SERPINF2: variants seen among roughly 807,000 people sequenced by gnomAD.
The protein encoded by SERPINF2 is serpin family F member 2.
In SERPINF2, 15 loss-of-function variants were observed where a neutral mutation model predicts 45.0. The observed-to-expected ratio is 0.33, with a 90% CI of 0.22 to 0.51. SERPINF2 has a LOEUF of 0.51. SERPINF2 is among the 20% of genes least tolerant of loss of function. The probability of loss-of-function intolerance (pLI) is 0.97; values close to 1 mark genes in which losing one functional copy is unlikely to be tolerated. For missense variants in SERPINF2, 518 were observed against 637.4 expected (o/e 0.81, Z 2.02); for synonymous variants, 283 against 277.9 (o/e 1.02, Z -0.18).
At chr17:1,744,840 G>A (rs559913908) in intron 1 of SERPINF2, 152 bp from the exon 2 acceptor site, 44 of 985,482 alleles carry the variant, frequency 4.5e-5, no homozygotes, top group East Asian at 1.1e-4. Context: ...GCCGCTGCTC[G>A]TGTGTTTGGG....
At position 1,754,649 on chromosome 17, in the gene SERPINF2, G is replaced by A. The variant is rs929261523; in HGVS notation, c.*115G>A. ...AGGGGCCGGGGGCAGTCTGAGAGAGGCCATTCTTTCCCAACACCTCTTGGG... is the reference window on the plus strand; with the variant it reads ...AGGGGCCGGGGGCAGTCTGAGAGAGACCATTCTTTCCCAACACCTCTTGGG... On this transcript the variant is annotated 3_prime_UTR_variant, in exon 10 of 10. Coordinates refer to ENST00000453066, the MANE Select transcript of SERPINF2 (RefSeq NM_000934.4). 12 of 1,082,980 alleles carry A rather than the reference G, an allele frequency of 1.1e-5. No individual in the cohort carries two copies. Among genetic ancestry groups the A allele is most frequent in the African/African-American group, 5.0e-5 (3 of 59,904 alleles). 67.1% of individuals were successfully genotyped at this position (1,082,980 alleles called of 1,614,324 possible).
intron 1 of SERPINF2, among the ~76,000 whole-genome samples, chr17:1,744,171 C>T (rs570324358): frequency 6.7e-6 from 1 of 150,236 alleles, no homozygotes; most frequent in South Asian, 2.2e-4. Flanking sequence ...GCTGGGATTA[C>T]AGGCTTGAGC....
Position 1,745,273 on chromosome 17 carries a change from T to C in SERPINF2, c.102+60T>C. The C allele has an allele frequency of 8.6e-7, 1 of 1,167,968 alleles. No homozygotes were observed. The highest frequency in any genetic ancestry group is 1.2e-6 in the Non-Finnish European group (1 of 850,826). 72.4% of individuals were successfully genotyped at this position (1,167,968 alleles called of 1,614,324 possible). A position where few individuals can be genotyped will look rare whatever the true frequency, so the allele number is the denominator to read the frequency against. ...GGTCCCGGGGGTCTCACTGGTGGCT[T>C]GGGCAGGGTGGGGGGCCTGTGGGAA... On this transcript the variant is annotated intron_variant, in intron 3 of 9. Transcript: ENST00000453066. The surrounding 1 kb of genome is among the most constrained non-coding windows in gnomAD (Gnocchi z 6.2).
Position 1,745,827 on chromosome 17 carries a change from C to T in SERPINF2, c.285C>T (p.Ser95=). 6.2e-7 allele frequency: 1 copy of T among 1,614,064 alleles called. No homozygotes were observed. Among genetic ancestry groups the T allele is most frequent in the East Asian group, 2.2e-5 (1 of 44,886 alleles). ...TGGCCTTCACTGCCGACCTGTTCTCCCTGGTGGCTCAAACGTCCACCTGCC... is the reference window on the plus strand; with the variant it reads ...TGGCCTTCACTGCCGACCTGTTCTCTCTGGTGGCTCAAACGTCCACCTGCC... ...AMMAFTADLF[S]LVAQTSTCPN... Residue 95 remains serine (S), a synonymous_variant, in exon 5 of 10, where the codon TCC becomes TCT. Coordinates refer to ENST00000453066, the MANE Select transcript of SERPINF2 (RefSeq NM_000934.4). This position sits in a 1 kb window ranked among gnomAD's most constrained non-coding sequence, Gnocchi z 6.2.
chr17:1,748,119 G>A (rs1597327063), intron 7 of SERPINF2, among the ~76,000 whole-genome samples: 1 of 151,988 alleles, frequency 6.6e-6, no homozygotes, highest in East Asian at 2.0e-4. Context: ...CTAACACGGT[G>A]AAACCCCCGT....
At chr17:1,747,618 G>C in intron 7 of SERPINF2, 106 bp downstream of exon 7, 1 of 1,267,192 alleles carries the variant, frequency 7.9e-7, no homozygotes, top group Non-Finnish European at 1.1e-6. Context: ...AGGGTGGAGC[G>C]CAGTGGCGCG....
At position 1,745,401 on chromosome 17, in the gene SERPINF2, A is replaced by T. The variant is rs755408164; in HGVS notation, c.165+6A>T. 30 of 1,398,968 alleles carry T rather than the reference A, an allele frequency of 2.1e-5. No individual in the cohort carries two copies. Among genetic ancestry groups the T allele is most frequent in the Admixed American group, 3.8e-5 (2 of 52,212 alleles). 86.7% of individuals were successfully genotyped at this position (1,398,968 alleles called of 1,614,324 possible). A position where few individuals can be genotyped will look rare whatever the true frequency, so the allele number is the denominator to read the frequency against. On this transcript the variant is annotated splice_donor_region_variant and intron_variant, in intron 4 of 9. Coordinates refer to ENST00000453066, the MANE Select transcript of SERPINF2 (RefSeq NM_000934.4). The surrounding 1 kb of genome is among the most constrained non-coding windows in gnomAD (Gnocchi z 6.2). ...TCCTCAAGTTGGGCAACCAGGTACA[A>T]CCAGGTGGGGCTGGGGAAGAGTGGG...
At chr17:1,752,529 C>T (rs1455808815) in intron 8 of SERPINF2, 57 bp from the exon 9 acceptor site, 8 of 1,540,482 alleles carry the variant, frequency 5.2e-6, no homozygotes, top group Non-Finnish European at 5.4e-6. Context: ...GCTGGCCCCA[C>T]CCCCACTTAG....
chr17:1,745,189 C>T lies in SERPINF2; in HGVS notation c.78C>T (p.Ser26=), dbSNP rs764369234. The change falls in exon 3 of 10, where the codon AGC becomes AGT. Residue 26 remains serine, a synonymous_variant. Coordinates refer to ENST00000453066, the MANE Select transcript of SERPINF2 (RefSeq NM_000934.4). The surrounding 1 kb of genome is among the most constrained non-coding windows in gnomAD (Gnocchi z 6.2). ...TTTCTCCACAGTTCTCCCCTGTGAG[C>T]GCCATGGAGCCCTTGGGCCGGCAGG... ...QGPCSVFSPV[S]AMEPLGRQLT... The T allele has an allele frequency of 4.8e-5, 75 of 1,567,924 alleles. No individual in the cohort carries two copies. The highest frequency in any genetic ancestry group is 9.6e-5 in the Admixed American group (5 of 52,344).
Position 1,747,397 on chromosome 17 carries a change from C to T in SERPINF2, c.600C>T (p.Asp200=), listed in dbSNP as rs1164616512. The T allele has an allele frequency of 1.2e-6, 2 of 1,614,184 alleles. No homozygotes were observed. The highest frequency in any genetic ancestry group is 4.5e-5 in the East Asian group (2 of 44,884). The change falls in exon 7 of 10, where the codon GAC becomes GAT. Residue 200 remains aspartate (D), a synonymous_variant. Transcript: ENST00000453066. The part of the protein sequence containing the change: ...PVSLTGKQED[D]LANINQWVKE... ...GCCTGACGGGAAAGCAGGAAGATGA[C>T]CTGGCAAACATCAACCAATGGGTGA... is the stretch of plus-strand genomic sequence containing the variant.
At chr17:1,744,724 C>T (rs1905634519) in intron 1 of SERPINF2, 1 of 985,302 alleles carries the variant, frequency 1.0e-6, no homozygotes, top group African/African-American at 1.7e-5. Flanking sequence ...GTATCTCCCT[C>T]CTATTCACCA....
At position 1,747,524 on chromosome 17, in the gene SERPINF2, C is replaced by T. The variant is rs757000660; in HGVS notation, c.715+12C>T. The T allele has an allele frequency of 3.7e-6, 6 of 1,612,752 alleles. No homozygotes were observed. In the African/African-American group the frequency reaches 5.3e-5, roughly 14 times the overall value. ...CATCCACTTCCAGGGTGCGCTCCTC[C>T]TCCTCTCAGATCCCCCACCCTGTAG... On this transcript the variant is annotated intron_variant, in intron 7 of 9. Transcript: ENST00000453066.
intron 6 of SERPINF2, 21 bp from the exon 7 acceptor site, chr17:1,747,288 G>A (rs968768859): frequency 2.5e-6 from 4 of 1,613,118 alleles, no homozygotes; most frequent in African/African-American, 2.7e-5. Flanking sequence ...CCTGGGAACA[G>A]CTTGTGCTGC....
In SERPINF2 at chr17:1,754,698, C is replaced by T. The variant is rs1239081794; in HGVS notation, c.*164C>T. 10 of 327,344 alleles carry T rather than the reference C, an allele frequency of 3.1e-5. No individual in the cohort carries two copies. Among genetic ancestry groups the T allele is most frequent in the Admixed American group, 4.6e-5 (1 of 21,774 alleles). 20.3% of individuals were successfully genotyped at this position (327,344 alleles called of 1,614,324 possible). Reference sequence around the variant, plus strand: ...GGGAGTTTAGGGTGGGGGGGGGGCGCGGCTGGGAGGAGGGCAGGCATCGGG... The same window carrying T: ...GGGAGTTTAGGGTGGGGGGGGGGCGTGGCTGGGAGGAGGGCAGGCATCGGG... On this transcript the variant is annotated 3_prime_UTR_variant, in exon 10 of 10. Coordinates refer to ENST00000453066, the MANE Select transcript of SERPINF2 (RefSeq NM_000934.4).
At chr17:1,751,145 T>G (rs1338275707) in intron 8 of SERPINF2, among the ~76,000 whole-genome samples, 1 of 152,106 alleles carries the variant, frequency 6.6e-6, no homozygotes, top group East Asian at 1.9e-4. Context: ...TGCTGCAGAA[T>G]CCCTTCAAAT....
intron 8 of SERPINF2, 93 bp downstream of exon 8, chr17:1,748,833 G>T: frequency 1.3e-6 from 1 of 797,362 alleles, no homozygotes; most frequent in Non-Finnish European, 2.2e-6. Context: ...ATGGGTGGAG[G>T]CTGTCTCGCC....
At chr17:1,752,373 A>G (rs1405595296) in intron 8 of SERPINF2, among the ~76,000 whole-genome samples, 1 of 152,218 alleles carries the variant, frequency 6.6e-6, no homozygotes, top group East Asian at 1.9e-4. Flanking sequence ...TAGAAACTTT[A>G]AAAGCATCTC....
chr17:1,745,582 G>T lies in SERPINF2; in HGVS notation c.166-126G>T. ...AGAATGCCAGTGCCCTCCGTCTGAC[G>T]CTCCCTCTTCCCTGGGGCTGGGACA... On this transcript the variant is annotated intron_variant, in intron 4 of 9. Coordinates refer to ENST00000453066, the MANE Select transcript of SERPINF2 (RefSeq NM_000934.4). The surrounding 1 kb of genome is among the most constrained non-coding windows in gnomAD (Gnocchi z 6.2). 8.3e-7 allele frequency: 1 copy of T among 1,200,798 alleles called. No individual in the cohort carries two copies. The highest frequency in any genetic ancestry group is 1.2e-6 in the Non-Finnish European group (1 of 836,234). 74.4% of individuals were successfully genotyped at this position (1,200,798 alleles called of 1,614,324 possible).
chr17:1,749,415 T>C (rs1366996164), intron 8 of SERPINF2, among the ~76,000 whole-genome samples: 1 of 151,794 alleles, frequency 6.6e-6, no homozygotes, highest in African/African-American at 2.4e-5. Context: ...CTGACCAACA[T>C]AGCAAAGCCC....
Sources: allele counts gnomAD v4.1 joint callset (sites outside exome capture counted in the v4.1 genomes callset), GRCh38; gene constraint gnomAD v4.1.1; non-coding constraint Gnocchi (gnomAD v3.1); transcripts MANE v1.5; gene names NCBI Gene and HGNC (gene_info 2026-07-23, HGNC 2026-07-21).